ZNF483: variants seen among roughly 807,000 people sequenced by gnomAD.
The protein encoded by ZNF483 is zinc finger protein 483, also known as zinc finger protein HIT-10.
Under a neutral mutation model 28.6 loss-of-function variants are expected in ZNF483, and 9 were observed. The observed-to-expected ratio is 0.32, with a 90% CI of 0.19 to 0.55. The LOEUF (loss-of-function observed/expected upper bound fraction) is 0.55. ZNF483 is among the 20% of genes least tolerant of loss of function. The probability of loss-of-function intolerance (pLI) is 0.93; values close to 1 mark genes in which losing one functional copy is unlikely to be tolerated. For synonymous variants in ZNF483, 322 were observed against 306.2 expected (o/e 1.05, Z -0.54); for missense variants, 675 against 871.7 (o/e 0.77, Z 2.84).
rs965576944 is a variant in ZNF483, at chr9:111,551,011, G to A, written c.*7841G>A. 3.9e-5 allele frequency among the ~76,000 whole-genome samples: 6 copies of A among 152,134 alleles called. No individual in the cohort carries two copies. Among genetic ancestry groups the A allele is most frequent in the Admixed American group, 2.0e-4 (3 of 15,274 alleles). On this transcript the variant is annotated 3_prime_UTR_variant, in exon 6 of 6. Coordinates refer to ENST00000309235, the MANE Select transcript of ZNF483 (RefSeq NM_133464.5). ...AGAGCAGGGCTCTAAAAAGCTGATT[G>A]GAAGGTGTTTTAGGTACTTCAGCAC... is the stretch of plus-strand genomic sequence containing the variant.
chr9:111,540,109 G>A (rs1026702534), intron 5 of ZNF483, among the ~76,000 whole-genome samples: 10 of 152,002 alleles, frequency 6.6e-5, no homozygotes, highest in Non-Finnish European at 1.0e-4. Context: ...TCCAGCGTAG[G>A]CAACAGAGTA....
In ZNF483 at chr9:111,542,456, T is replaced by C. The variant is rs1827697657; in HGVS notation, c.1521T>C (p.Ser507=). ...ACTGTGGGAAAGGTTTCACCCTAAG[T>C]GCTCACCTCATTAAACATCAGAGAA... ...CDDCGKGFTL[S]AHLIKHQRIH... The change falls in exon 6 of 6, where the codon AGT becomes AGC. Residue 507 remains serine (S), a synonymous_variant. Transcript: ENST00000309235. The surrounding 1 kb of genome is among the most constrained non-coding windows in gnomAD (Gnocchi z 6.2). The C allele has an allele frequency of 1.2e-6, 2 of 1,614,164 alleles. No individual in the cohort carries two copies. The highest frequency in any genetic ancestry group is 1.7e-6 in the Non-Finnish European group (2 of 1,180,010).
rs58638722 is a variant in ZNF483 at position 111,551,400 on chromosome 9, G to GTTTTTTTT, written c.*8248_*8255dup. Among the ~76,000 whole-genome samples the GTTTTTTTT allele has an allele frequency of 7.3e-4, 54 of 74,436 alleles. 1 individual carries two copies. Among genetic ancestry groups the GTTTTTTTT allele is most frequent in the Non-Finnish European group, 9.0e-4 (36 of 39,922 alleles). The allele number at this position is 74,436 out of a possible 152,430, so 48.8% of individuals were successfully genotyped here. A position where few individuals can be genotyped will look rare whatever the true frequency, so the allele number is the denominator to read the frequency against. On this transcript the variant is annotated 3_prime_UTR_variant, in exon 6 of 6. Transcript: ENST00000309235. Reference sequence around the variant, plus strand: ...TAACTGAATCAAGTATCCAGTTTTTGTTTTTTTTTTTTTTTTTTTTTTTTT... The same window carrying GTTTTTTTT: ...TAACTGAATCAAGTATCCAGTTTTTGTTTTTTTTTTTTTTTTTTTTTTTTTTTTTTTTT...
rs1827728465 is a variant in ZNF483, at chr9:111,543,662, C to G, written c.*492C>G. The G allele has an allele frequency of 3.1e-6, 3 of 982,116 alleles. No individual in the cohort carries two copies. The African/African-American group carries it at 5.3e-5, about 17-fold the overall frequency. The allele number at this position is 982,116 out of a possible 1,614,324, so 60.8% of individuals were successfully genotyped here. On this transcript the variant is annotated 3_prime_UTR_variant, in exon 6 of 6. Transcript: ENST00000309235. ...AGTTTTTTATTGGTATCCTGATAAT[C>G]TCTGAAGCTGTGGACATAAGTTATT...
At chr9:111,528,863 G>C (rs901099704) in intron 2 of ZNF483, among the ~76,000 whole-genome samples, 3 of 152,000 alleles carry the variant, frequency 2.0e-5, no homozygotes, top group Non-Finnish European at 4.4e-5. Flanking sequence ...AATTGATTTC[G>C]GGCTGGGTAC....
chr9:111,570,228 A>G (rs1464195711), intron 5 of ZNF483: 4 of 1,607,674 alleles, frequency 2.5e-6, no homozygotes, highest in Non-Finnish European at 3.4e-6. Flanking sequence ...AGAAGGGCAC[A>G]TTTGGGTGGC....
intron 4 of ZNF483, 116 bp downstream of exon 4, chr9:111,533,981 T>C (rs1234197285): frequency 8.0e-7 from 1 of 1,257,576 alleles, no homozygotes; most frequent in African/African-American, 1.5e-5. Context: ...ACCCAGGGAC[T>C]GATAGGACTA....
At chr9:111,535,701 G>A (rs1327663183) in intron 5 of ZNF483, among the ~76,000 whole-genome samples, 2 of 151,682 alleles carry the variant, frequency 1.3e-5, no homozygotes, top group Non-Finnish European at 2.9e-5. Flanking sequence ...GTGCCACCAC[G>A]CCAAGCTAAT....
chr9:111,554,606 AACAG>A lies in ZNF483; in HGVS notation c.*11441_*11444del, dbSNP rs1253026968. On this transcript the variant is annotated 3_prime_UTR_variant, in exon 6 of 6. Coordinates refer to ENST00000309235, the MANE Select transcript of ZNF483 (RefSeq NM_133464.5). ...AACCCAAGAAGGCTACTAAGTGACT[AACAG>A]ACAGGTAGTGTAGATGACATGGATA... is the stretch of plus-strand genomic sequence containing the variant. Among the ~76,000 whole-genome samples the A allele has an allele frequency of 3.9e-5, 6 of 152,340 alleles. No individual in the cohort carries two copies. The highest frequency in any genetic ancestry group is 7.3e-5 in the Non-Finnish European group (5 of 68,028).
At position 111,549,428 on chromosome 9, in the gene ZNF483, C is replaced by T. The variant is rs973734647; in HGVS notation, c.*6258C>T. 1.3e-5 allele frequency among the ~76,000 whole-genome samples: 2 copies of T among 152,158 alleles called. No homozygotes were observed. Among genetic ancestry groups the T allele is most frequent in the African/African-American group, 4.8e-5 (2 of 41,438 alleles). On this transcript the variant is annotated 3_prime_UTR_variant, in exon 6 of 6. Transcript: ENST00000309235. ...CCTCTGCTGAATGAATCTTTTGGTGCTCAGTAAGTTGTGATTTCCAAGCAA... is the reference window on the plus strand; with the variant it reads ...CCTCTGCTGAATGAATCTTTTGGTGTTCAGTAAGTTGTGATTTCCAAGCAA...
intron 5 of ZNF483, among the ~76,000 whole-genome samples, chr9:111,572,310 G>T (rs1475943846): frequency 1.3e-5 from 2 of 152,302 alleles, no homozygotes; most frequent in African/African-American, 4.8e-5. Context: ...TTAAATGAAA[G>T]TGGGATGGGC....
At chr9:111,569,568 A>G (rs932370994) in intron 5 of ZNF483, among the ~76,000 whole-genome samples, 3 of 152,146 alleles carry the variant, frequency 2.0e-5, no homozygotes, top group African/African-American at 7.2e-5. Context: ...ACTTGAGACC[A>G]GCCTGGCCAA....
downstream of ZNF483, among the ~76,000 whole-genome samples, chr9:111,560,263 G>A (rs796531583): frequency 5.2e-4 from 78 of 151,176 alleles, no homozygotes; most frequent in African/African-American, 1.8e-3. Flanking sequence ...GGTGGATCAC[G>A]AGGTCAGGAG....
intron 5 of ZNF483, among the ~76,000 whole-genome samples, chr9:111,561,110 T>TATATATATAGAGAG (rs1457364862): frequency 2.6e-4 from 5 of 19,192 alleles, no homozygotes; most frequent in African/African-American, 3.9e-4. Flanking sequence ...TATATATATA[T>TATATATATAGAGAG]AGAGAGAGAG....
Position 111,548,161 on chromosome 9 carries a change from T to G in ZNF483, c.*4991T>G, listed in dbSNP as rs1311157039. 6.6e-6 allele frequency among the ~76,000 whole-genome samples: 1 copy of G among 152,188 alleles called. No individual in the cohort carries two copies. Among genetic ancestry groups the G allele is most frequent in the Non-Finnish European group, 1.5e-5 (1 of 68,018 alleles). On this transcript the variant is annotated 3_prime_UTR_variant, in exon 6 of 6. Coordinates refer to ENST00000309235, the MANE Select transcript of ZNF483 (RefSeq NM_133464.5). ...GGGTCCTTAAGATTTCAAATGAATTTTAGGATGGTTTGTTTGTTTTTGTGG... is the reference window on the plus strand; with the variant it reads ...GGGTCCTTAAGATTTCAAATGAATTGTAGGATGGTTTGTTTGTTTTTGTGG...
intron 5 of ZNF483, among the ~76,000 whole-genome samples, chr9:111,535,645 G>T (rs1447003802): frequency 6.6e-6 from 1 of 152,156 alleles, no homozygotes; most frequent in Admixed American, 6.5e-5. Flanking sequence ...CCAGGTTCAA[G>T]TGATTCTCTT....
chr9:111,528,087 A>C, intron 2 of ZNF483: 1 of 1,333,448 alleles, frequency 7.5e-7, no homozygotes, highest in Non-Finnish European at 9.9e-7. Context: ...ATGCTCAAGA[A>C]ATAGTAATTT....
In ZNF483 at chr9:111,542,051, A is replaced by C; in HGVS notation, c.1116A>C (p.Ser372=). The C allele has an allele frequency of 6.2e-7, 1 of 1,614,156 alleles. No individual in the cohort carries two copies. Among genetic ancestry groups the C allele is most frequent in the South Asian group, 1.1e-5 (1 of 91,076 alleles). The part of the protein sequence containing the change: ...NDGGKVLSHS[S]ALTEHQKRQK... ...GTGGGAAAGTCCTGAGTCACTCTTCAGCTCTTACTGAACATCAGAAACGTC... is the reference window on the plus strand; with the variant it reads ...GTGGGAAAGTCCTGAGTCACTCTTCCGCTCTTACTGAACATCAGAAACGTC... The change falls in exon 6 of 6, where the codon TCA becomes TCC. Residue 372 remains serine, a synonymous_variant. Coordinates refer to ENST00000309235, the MANE Select transcript of ZNF483 (RefSeq NM_133464.5). This position sits in a 1 kb window ranked among gnomAD's most constrained non-coding sequence, Gnocchi z 6.2.
At chr9:111,564,220 C>A in intron 5 of ZNF483, 1 of 1,079,364 alleles carries the variant, frequency 9.3e-7, no homozygotes, top group Non-Finnish European at 1.1e-6. Context: ...GATTTATAGA[C>A]AAGATTATTT....
Sources: gnomAD v4.1 joint callset for allele counts (sites outside exome capture counted in the v4.1 genomes callset) on GRCh38, gnomAD v4.1.1 for gene constraint, Gnocchi (gnomAD v3.1) non-coding constraint, MANE v1.5 for transcripts, NCBI Gene and HGNC (gene_info 2026-07-23, HGNC 2026-07-21) for gene names.